Variants in SF3B3 observed in about 807,000 individuals in gnomAD.
SF3B3 encodes the protein splicing factor 3b subunit 3, also known as SAP 130.
In SF3B3, 33 loss-of-function variants were observed where a neutral mutation model predicts 139.2. The observed-to-expected ratio is 0.24, with a 90% CI of 0.18 to 0.32. The LOEUF (loss-of-function observed/expected upper bound fraction) is 0.32. Among genes scored for constraint, SF3B3 ranks in the 10% least tolerant of loss-of-function variants. The pLI, the probability that SF3B3 is intolerant of heterozygous loss-of-function variation, is 1.00. For synonymous variants in SF3B3, 596 were observed against 563.6 expected, an observed-to-expected ratio of 1.06 and a Z score of -0.81; for missense variants, 818 against 1,509.4, an observed-to-expected ratio of 0.54 and a Z score of 7.59.
At position 70,565,393 on chromosome 16, in the gene SF3B3, A is replaced by G. The variant is rs924315967; in HGVS notation, c.2695A>G (p.Thr899Ala). The change falls in exon 20 of 26, where the codon ACT becomes GCT. Residue 899 changes from threonine to alanine, a missense_variant. Thr to Ala is a moderately conservative substitution (Grantham distance 58). Transcript: ENST00000302516. ...TGTGGCTGTGTGCAGGTTTTCCAACACTGGTGAAGACTGGTATGTGCTGGT... is the reference window on the plus strand; with the variant it reads ...TGTGGCTGTGTGCAGGTTTTCCAACGCTGGTGAAGACTGGTATGTGCTGGT... ...FSVAVCRFSN[T>A]GEDWYVLVGV... 3.7e-6 allele frequency: 6 copies of G among 1,614,110 alleles called. No individual in the cohort carries two copies. The highest frequency in any genetic ancestry group is 2.5e-6 in the Non-Finnish European group (3 of 1,180,010).
At chr16:70,545,874 T>C (rs991464505) in intron 10 of SF3B3, among the ~76,000 whole-genome samples, 3 of 152,234 alleles carry the variant, frequency 2.0e-5, no homozygotes, top group African/African-American at 7.2e-5. Context: ...CATTGGTGTT[T>C]CAGGGAATTT....
In SF3B3 at chr16:70,530,424, A is replaced by G. The variant is rs540418185; in HGVS notation, c.398-321A>G. ...AACCTTTGCGTCTCAGGTTCAAGCAATTCTCCTGCCCCAGCCTCCCAAGTA... is the reference window on the plus strand; with the variant it reads ...AACCTTTGCGTCTCAGGTTCAAGCAGTTCTCCTGCCCCAGCCTCCCAAGTA... On this transcript the variant is annotated intron_variant, in intron 3 of 25. Coordinates refer to ENST00000302516, the MANE Select transcript of SF3B3 (RefSeq NM_012426.5). Among the ~76,000 whole-genome samples, 66 of 151,448 alleles carry G rather than the reference A, an allele frequency of 4.4e-4. No homozygotes were observed. In the Middle Eastern group the frequency reaches 0.01, roughly 23 times the overall value.
At position 70,534,117 on chromosome 16, in the gene SF3B3, A is replaced by G. The variant is rs377027126; in HGVS notation, c.713-1191A>G. Among the ~76,000 whole-genome samples the G allele has an allele frequency of 3.9e-5, 6 of 152,338 alleles. No individual in the cohort carries two copies. In the East Asian group the frequency reaches 5.8e-4, roughly 15 times the overall value. On this transcript the variant is annotated intron_variant, in intron 5 of 25. Transcript: ENST00000302516. ...TTCCCTAAACAGGGAAAGGAAACGA[A>G]TGTGTTACAGAAAGCTTGCTGGAGT...
chr16:70,530,030 G>GGCTGAGA, intron 3 of SF3B3, among the ~76,000 whole-genome samples: 1 of 69,704 alleles, frequency 1.4e-5, no homozygotes, highest in African/African-American at 5.6e-5. Flanking sequence ...GCTACTTGGG[G>GGCTGAGA]CAGGAGAATC....
In SF3B3 at chr16:70,574,078, C is replaced by T. The variant is rs1482252450; in HGVS notation, c.*2265C>T. On this transcript the variant is annotated 3_prime_UTR_variant, in exon 26 of 26. Coordinates refer to ENST00000302516, the MANE Select transcript of SF3B3 (RefSeq NM_012426.5). ...GTCCCCAGAATGTGTGCTGTTCCCA[C>T]GCTGCTGCCTTTCTTGAGCTTGTTA... The T allele has an allele frequency of 1.3e-5, 2 of 152,194 alleles. No homozygotes were observed. The highest frequency in any genetic ancestry group is 2.9e-5 in the Non-Finnish European group (2 of 68,038). 9.4% of individuals were successfully genotyped at this position (152,194 alleles called of 1,614,324 possible).
At chr16:70,529,517 AG>A in intron 3 of SF3B3, 1 of 309,134 alleles carries the variant, frequency 3.2e-6, no homozygotes, top group Non-Finnish European at 6.1e-6. Context: ...ATCAGCCTGA[AG>A]TGATGATTCA....
At chr16:70,554,721 CAT>C (rs1031996565) in intron 12 of SF3B3, 124 bp downstream of exon 12, 1 of 982,546 alleles carries the variant, frequency 1.0e-6, no homozygotes, top group Non-Finnish European at 1.5e-6. Flanking sequence ...GGGTAGGGAA[CAT>C]ATGATTTGGG....
At chr16:70,541,971 A>T in intron 9 of SF3B3, 137 bp downstream of exon 9, 1 of 717,316 alleles carries the variant, frequency 1.4e-6, no homozygotes, top group Non-Finnish European at 2.2e-6. Context: ...GAGCACAAAA[A>T]ACCATTAATA....
chr16:70,568,423 A>G lies in SF3B3; in HGVS notation c.3093A>G (p.Arg1031=), dbSNP rs941111886. 3 of 1,614,004 alleles carry G rather than the reference A, an allele frequency of 1.9e-6. No homozygotes were observed. Among genetic ancestry groups the G allele is most frequent in the African/African-American group, 2.7e-5 (2 of 74,928 alleles). Residue 1031 remains arginine (R), a synonymous_variant, in exon 22 of 26, where the codon CGA becomes CGG. Transcript: ENST00000302516. Reference sequence around the variant, plus strand: ...TCTTTGCTGATGATACCTACCCCCGATGGGTCACTACAGCCAGCCTCCTGG... The same window carrying G: ...TCTTTGCTGATGATACCTACCCCCGGTGGGTCACTACAGCCAGCCTCCTGG... The part of the protein sequence containing the change: ...LIIFADDTYP[R]WVTTASLLDY...
Position 70,576,660 on chromosome 16 carries a change from TG to T in SF3B3, c.*4848del, listed in dbSNP as rs2050583994. ...AATCTCAGCTTTAGGGAGTCGATGA[TG>T]TAACTGGAGAAAGGCAATGCTGCCC... On this transcript the variant is annotated 3_prime_UTR_variant, in exon 26 of 26. Transcript: ENST00000302516. 6.6e-6 allele frequency: 1 copy of T among 152,114 alleles called. No individual in the cohort carries two copies. Among genetic ancestry groups the T allele is most frequent in the Non-Finnish European group, 1.5e-5 (1 of 68,028 alleles). The allele number at this position is 152,114 out of a possible 1,614,324, so 9.4% of individuals were successfully genotyped here. A position where few individuals can be genotyped will look rare whatever the true frequency, so the allele number is the denominator to read the frequency against.
intron 5 of SF3B3, 55 bp from the exon 6 acceptor site, chr16:70,535,253 T>C: frequency 2.4e-6 from 2 of 850,334 alleles, no homozygotes; most frequent in Non-Finnish European, 3.7e-6. Flanking sequence ...AGTTGAAAGC[T>C]GAAGAAATTC....
Position 70,530,772 on chromosome 16 carries a change from A to T in SF3B3, c.425A>T (p.Tyr142Phe). The change falls in exon 4 of 26, where the codon TAT becomes TTT. Residue 142 changes from tyrosine to phenylalanine, a missense_variant. Around this residue, in one of 14 missense-constraint regions of SF3B3, gnomAD observed 144 missense variants for 259.2 expected, o/e 0.56. Transcript: ENST00000302516. The stretch of plus-strand genomic sequence containing the variant: ...GCCATTGAGAAACAGAAATTGGTGT[A>T]TATTTTGAACAGAGATGCTGCAGCC... Reference protein sequence around the residue: ...ISAIEKQKLVYILNRDAAARL... With the variant: ...ISAIEKQKLVFILNRDAAARL... 11 of 1,612,564 alleles carry T rather than the reference A, an allele frequency of 6.8e-6. No individual in the cohort carries two copies. Among genetic ancestry groups the T allele is most frequent in the Non-Finnish European group, 9.3e-6 (11 of 1,179,610 alleles).
intron 20 of SF3B3, among the ~76,000 whole-genome samples, chr16:70,567,082 G>A (rs545426012): frequency 6.6e-6 from 1 of 151,060 alleles, no homozygotes; most frequent in South Asian, 2.1e-4. Context: ...CTTTTCACTA[G>A]CATTTCTTTC....
intron 24 of SF3B3, among the ~76,000 whole-genome samples, chr16:70,570,812 G>T (rs1399433696): frequency 2.6e-5 from 4 of 152,178 alleles, no homozygotes; most frequent in Admixed American, 6.5e-5. Flanking sequence ...CCAGAGTTTG[G>T]CATGTTTTAT....
intron 9 of SF3B3, 107 bp from the exon 10 acceptor site, chr16:70,544,331 G>C: frequency 1.4e-6 from 1 of 692,364 alleles, no homozygotes; most frequent in South Asian, 1.7e-5. Flanking sequence ...TTGATCAGCA[G>C]ATAATTGTAT....
Position 70,568,070 on chromosome 16 carries a change from A to G in SF3B3, c.2953-213A>G, listed in dbSNP as rs1046744546. Among the ~76,000 whole-genome samples the G allele has an allele frequency of 3.9e-5, 6 of 152,322 alleles. No individual in the cohort carries two copies. The South Asian group carries it at 1.0e-3, about 26-fold the overall frequency. Reference sequence around the variant, plus strand: ...CCAGCTTTCTATCTTGCTAGCTTCTATAAGGAAAGTAAATGTGAGAGTTAG... The same window carrying G: ...CCAGCTTTCTATCTTGCTAGCTTCTGTAAGGAAAGTAAATGTGAGAGTTAG... On this transcript the variant is annotated intron_variant, in intron 21 of 25. Transcript: ENST00000302516.
intron 21 of SF3B3, 117 bp from the exon 22 acceptor site, chr16:70,568,166 G>A: frequency 1.3e-6 from 1 of 776,228 alleles, no homozygotes; most frequent in East Asian, 2.5e-5. Flanking sequence ...CTAACTGCTG[G>A]TTTTTGGTAT....
intron 21 of SF3B3, 65 bp from the exon 22 acceptor site, chr16:70,568,218 G>A (rs953046822): frequency 8.1e-7 from 1 of 1,238,606 alleles, no homozygotes; most frequent in African/African-American, 1.5e-5. Context: ...CGGAAAGCTG[G>A]GCTTTCTTTG....
At chr16:70,525,709 T>A (rs975417382) in intron 1 of SF3B3, among the ~76,000 whole-genome samples, 2 of 152,078 alleles carry the variant, frequency 1.3e-5, no homozygotes, top group Non-Finnish European at 2.9e-5. Context: ...GCTCAACGCC[T>A]GTAATCCTAG....
Sources: allele counts gnomAD v4.1 joint callset (sites outside exome capture counted in the v4.1 genomes callset), GRCh38; gene constraint gnomAD v4.1.1; regional missense constraint gnomAD v4.1.1; transcripts MANE v1.5; gene names NCBI Gene and HGNC (gene_info 2026-07-23, HGNC 2026-07-21).